SLC12A8: variants seen among roughly 807,000 people sequenced by gnomAD.
SLC12A8 encodes the protein solute carrier family 12 member 8.
SLC12A8 carries 69 observed loss-of-function variants against 75.6 expected under a neutral mutation model. The observed-to-expected ratio is 0.91, with a 90% CI of 0.75 to 1.11. The LOEUF (loss-of-function observed/expected upper bound fraction) is 1.11. SLC12A8 is among the 50% of genes most tolerant of loss of function. The pLI, the probability that SLC12A8 is intolerant of heterozygous loss-of-function variation, is 0.00. For missense variants in SLC12A8, 877 were observed against 896.7 expected, an observed-to-expected ratio of 0.98 and a Z score of 0.28; for synonymous variants, 365 against 372.8, an observed-to-expected ratio of 0.98 and a Z score of 0.24.
intron 4 of SLC12A8, among the ~76,000 whole-genome samples, chr3:125,179,737 G>C (rs1934613046): frequency 6.6e-6 from 1 of 151,086 alleles, no homozygotes; most frequent in Middle Eastern, 3.4e-3. Context: ...GAGAGAAAGA[G>C]AAAGACAGAG....
rs1462363053 is a variant in SLC12A8, at chr3:125,084,072, G to C, written c.1983-20C>G. 4 of 1,604,166 alleles carry C rather than the reference G, an allele frequency of 2.5e-6. No homozygotes were observed. The highest frequency in any genetic ancestry group is 3.4e-6 in the Non-Finnish European group (4 of 1,174,540). On this transcript the variant is annotated intron_variant, in intron 13 of 13. Transcript: ENST00000469902. ...AAGCTCCTGCAGTGAGAGAGACACA[G>C]AGGATGGTGAGAAGGACAGAACAGA...
In SLC12A8 at chr3:125,194,094, A is replaced by T. The variant is rs547781614; in HGVS notation, c.52-3573T>A. ...AGATAGAGGATGAGGGGGATAAGAAAAGCAAGGGGCAAATCAATCCCTCAG... is the reference window on the plus strand; with the variant it reads ...AGATAGAGGATGAGGGGGATAAGAATAGCAAGGGGCAAATCAATCCCTCAG... On this transcript the variant is annotated intron_variant, in intron 2 of 13. Coordinates refer to ENST00000469902, the MANE Select transcript of SLC12A8 (RefSeq NM_024628.6). Among the ~76,000 whole-genome samples the T allele has an allele frequency of 2.0e-5, 3 of 152,346 alleles. No homozygotes were observed. In the South Asian group the frequency reaches 6.2e-4, roughly 32 times the overall value.
rs145481021 is a variant in SLC12A8 at position 125,142,812 on chromosome 3, G to A, written c.623-7030C>T. Among the ~76,000 whole-genome samples the A allele has an allele frequency of 2.6e-5, 4 of 152,292 alleles. No individual in the cohort carries two copies. In the East Asian group the frequency reaches 7.7e-4, roughly 29 times the overall value. On this transcript the variant is annotated intron_variant, in intron 5 of 13. Transcript: ENST00000469902. ...TCTAATTCTGAAGTCTTCCCAGCCA[G>A]AAGCCCACTCTCAGGCCTCTCAGGA...
At chr3:125,102,411 T>C (rs1211442266) in intron 10 of SLC12A8, among the ~76,000 whole-genome samples, 1 of 152,152 alleles carries the variant, frequency 6.6e-6, no homozygotes, top group Non-Finnish European at 1.5e-5. Flanking sequence ...GAACCTTGCA[T>C]CGTACACCCT....
At chr3:125,171,204 T>G (rs2107784123) in intron 5 of SLC12A8, among the ~76,000 whole-genome samples, 1 of 27,638 alleles carries the variant, frequency 3.6e-5, no homozygotes, top group South Asian at 5.0e-4. Flanking sequence ...CACTTCTCCA[T>G]TGAAAGATAT....
At chr3:125,167,586 C>A (rs894213212) in intron 5 of SLC12A8, among the ~76,000 whole-genome samples, 3 of 152,222 alleles carry the variant, frequency 2.0e-5, no homozygotes, top group African/African-American at 7.2e-5. Context: ...GGCAGGAAGG[C>A]AGCCTGGAGA....
chr3:125,181,999 C>A (rs11713166), intron 4 of SLC12A8, among the ~76,000 whole-genome samples: 21,499 of 151,866 alleles, frequency 0.14, 1,668 homozygotes, highest in Middle Eastern at 0.18. Flanking sequence ...CCAGCCTGGG[C>A]AACATGGCAA....
At chr3:125,101,625 C>T (rs186400658) in intron 10 of SLC12A8, among the ~76,000 whole-genome samples, 55 of 152,216 alleles carry the variant, frequency 3.6e-4, no homozygotes, top group Admixed American at 9.2e-4. Flanking sequence ...ATGATGTCTA[C>T]GTAGTTAAAA....
At chr3:125,203,088 C>CAAAAAA (rs758212012) in intron 2 of SLC12A8, among the ~76,000 whole-genome samples, 18 of 88,438 alleles carry the variant, frequency 2.0e-4, no homozygotes, top group African/African-American at 3.9e-4. Context: ...GACTTCATCT[C>CAAAAAA]AAAAAAAAAA....
At chr3:125,182,161 C>A (rs924839047) in intron 4 of SLC12A8, among the ~76,000 whole-genome samples, 1 of 152,090 alleles carries the variant, frequency 6.6e-6, no homozygotes, top group African/African-American at 2.4e-5. Context: ...TTTGTCTCTA[C>A]AAAAATAATT....
chr3:125,095,074 T>C (rs9809933), intron 10 of SLC12A8, among the ~76,000 whole-genome samples: 2,253 of 152,336 alleles, frequency 0.015, 55 homozygotes, highest in African/African-American at 0.049. Flanking sequence ...GCACTCCTTT[T>C]TTCCATGTAT....
intron 2 of SLC12A8, among the ~76,000 whole-genome samples, chr3:125,195,150 T>C (rs1179903289): frequency 6.6e-6 from 1 of 152,254 alleles, no homozygotes; most frequent in Non-Finnish European, 1.5e-5. Context: ...TCAGGGAAGT[T>C]GGAAGGAAGA....
chr3:125,098,554 C>CCACACACACACACACA (rs3222429), intron 10 of SLC12A8, among the ~76,000 whole-genome samples: 71 of 144,026 alleles, frequency 4.9e-4, no homozygotes, highest in African/African-American at 1.6e-3. Flanking sequence ...TGAATCTTCT[C>CCACACACACACACACA]CACACACACA....
At chr3:125,173,615 G>A (rs1934455647) in intron 5 of SLC12A8, among the ~76,000 whole-genome samples, 1 of 152,124 alleles carries the variant, frequency 6.6e-6, no homozygotes, top group Admixed American at 6.5e-5. Flanking sequence ...CAGCACCCAA[G>A]GACCCAAGGC....
intron 2 of SLC12A8, among the ~76,000 whole-genome samples, chr3:125,198,924 C>A (rs1214981750): frequency 6.8e-6 from 1 of 147,090 alleles, no homozygotes; most frequent in Non-Finnish European, 1.5e-5. Flanking sequence ...ACTACAGGCA[C>A]CCGCCACCAC....
chr3:125,164,786 C>G (rs1342261467), intron 5 of SLC12A8, among the ~76,000 whole-genome samples: 2 of 152,250 alleles, frequency 1.3e-5, no homozygotes, highest in Non-Finnish European at 2.9e-5. Flanking sequence ...CCTGGCTGCA[C>G]AGTAGCACCA....
intron 5 of SLC12A8, among the ~76,000 whole-genome samples, chr3:125,147,244 C>T (rs185026116): frequency 1.3e-5 from 2 of 152,190 alleles, no homozygotes; most frequent in African/African-American, 4.8e-5. Context: ...ATTTAACCTG[C>T]GGTGCCACTA....
At chr3:125,164,994 G>A (rs1170652857) in intron 5 of SLC12A8, among the ~76,000 whole-genome samples, 2 of 152,214 alleles carry the variant, frequency 1.3e-5, no homozygotes, top group Non-Finnish European at 2.9e-5. Context: ...CAGCTATTCT[G>A]AGACTTTCTT....
intron 3 of SLC12A8, among the ~76,000 whole-genome samples, chr3:125,190,123 G>C (rs1934879347): frequency 6.6e-6 from 1 of 152,218 alleles, no homozygotes; most frequent in Non-Finnish European, 1.5e-5. Flanking sequence ...CTCATGATGA[G>C]CCCTGACTTC....
Sources: allele counts gnomAD v4.1 joint callset (sites outside exome capture counted in the v4.1 genomes callset), GRCh38; gene constraint gnomAD v4.1.1; transcripts MANE v1.5; gene names NCBI Gene and HGNC (gene_info 2026-07-23, HGNC 2026-07-21).